The following MMP1 variants were observed in gnomAD, a reference collection of about 807,000 sequenced individuals.
The protein encoded by MMP1 is interstitial collagenase.
In MMP1, 51 loss-of-function variants were observed where a neutral mutation model predicts 49.6. That is an observed-to-expected ratio of 1.03 (90% CI 0.82 to 1.30). MMP1 has a LOEUF of 1.30. MMP1 is among the 50% of genes most tolerant of loss of function. MMP1 has a pLI of 0.00. For missense variants in MMP1, 623 were observed against 568.7 expected (o/e 1.10, Z -0.97); for synonymous variants, 230 against 196.8 (o/e 1.17, Z -1.41).
chr11:102,792,139 A>G (rs1286176291), intron 7 of MMP1, among the ~76,000 whole-genome samples: 1 of 152,212 alleles, frequency 6.6e-6, no homozygotes, highest in Non-Finnish European at 1.5e-5. Context: ...TTCATAATTT[A>G]AAGGCTAAAA....
chr11:102,791,230 G>A, intron 8 of MMP1, 103 bp downstream of exon 8: 1 of 1,245,792 alleles, frequency 8.0e-7, no homozygotes, highest in Non-Finnish European at 1.1e-6. Flanking sequence ...TGAAGGAAAG[G>A]ATGCCGGCCA....
Position 102,791,355 on chromosome 11 carries a change from A to G in MMP1, c.1174T>C (p.Phe392Leu), listed in dbSNP as rs1331475660. 1 of 1,613,998 alleles carries G rather than the reference A, an allele frequency of 6.2e-7. No homozygotes were observed. Among genetic ancestry groups the G allele is most frequent in the East Asian group, 2.2e-5 (1 of 44,886 alleles). The stretch of plus-strand genomic sequence containing the variant: ...TACCTCCAGTATTTGTTAGCAACAA[A>G]GAAGTAGGTTTTTCCAGTGTTTTCC... Reference protein sequence around the residue: ...SEENTGKTYFFVANKYWRYDE... With the variant: ...SEENTGKTYFLVANKYWRYDE... The change falls in exon 8 of 10, where the codon TTT becomes CTT. Residue 392 changes from phenylalanine (F) to leucine (L), a missense_variant. Physicochemically the swap from Phe to Leu is conservative, Grantham distance 22 (BLOSUM62 0). Transcript: ENST00000315274.
chr11:102,797,504 AC>A lies in MMP1; in HGVS notation c.106-5del. 1.2e-6 allele frequency: 2 copies of A among 1,613,282 alleles called. No individual in the cohort carries two copies. Among genetic ancestry groups the A allele is most frequent in the African/African-American group, 2.7e-5 (2 of 74,942 alleles). ...TGTAGTATTTTTCCAGGTATTTCTG[AC>A]AAAAGAAAATTATCGAAACACTGCA... On this transcript the variant is annotated splice_polypyrimidine_tract_variant and splice_region_variant and intron_variant, in intron 1 of 9. Transcript: ENST00000315274.
chr11:102,796,677 G>T lies in MMP1; in HGVS notation c.612C>A (p.Thr204=). The T allele has an allele frequency of 1.2e-6, 2 of 1,613,372 alleles. No homozygotes were observed. Among genetic ancestry groups the T allele is most frequent in the Non-Finnish European group, 1.7e-6 (2 of 1,179,748 alleles). The stretch of plus-strand genomic sequence containing the variant: ...TGATTGGCTTACCTCTGAAATTGTT[G>T]GTCCACCTTTCATCTTCATCAAAAT... ...DAHFDEDERW[T]NNFREYNLHR... Residue 204 remains threonine (T), a synonymous_variant, in exon 4 of 10, where the codon ACC becomes ACA. Transcript: ENST00000315274.
rs141894365 is a variant in MMP1 at position 102,797,410 on chromosome 11, G to T, written c.196C>A (p.Gln66Lys). The T allele has an allele frequency of 6.2e-7, 1 of 1,614,040 alleles. No individual in the cohort carries two copies. The highest frequency in any genetic ancestry group is 1.3e-5 in the African/African-American group (1 of 74,934). The change falls in exon 2 of 10, where the codon CAA (glutamine) becomes AAA (lysine). Residue 66 changes from glutamine to lysine, a missense_variant. Transcript: ENST00000315274. The part of the protein sequence containing the change: ...NSGPVVEKLK[Q>K]MQEFFGLKVT... ...TTCAGCCCAAAGAATTCCTGCATTT[G>T]CTTCAATTTTTCAACCACTGGGCCA...
At chr11:102,792,333 T>C (rs2134363073) in intron 7 of MMP1, among the ~76,000 whole-genome samples, 1 of 152,358 alleles carries the variant, frequency 6.6e-6, no homozygotes, top group Middle Eastern at 3.4e-3. Flanking sequence ...GGGTTTTAAA[T>C]ACATAGTTTG....
chr11:102,792,733 T>C lies in MMP1; in HGVS notation c.905A>G (p.Tyr302Cys), dbSNP rs1229809164. The change falls in exon 7 of 10, where the codon TAC becomes TGC. Residue 302 changes from tyrosine (Y) to cysteine (C), a missense_variant. By Grantham distance (194) the Tyr-to-Cys change is radical (BLOSUM62 -2). Coordinates refer to ENST00000315274, the MANE Select transcript of MMP1 (RefSeq NM_002421.4). ...GEVMFFKDRF[Y>C]MRTNPFYPEV... ...CGGGTAGAAGGGATTTGTGCGCATG[T>C]AGAATCTGATTAGAAAAAAAGCAAG... is the stretch of plus-strand genomic sequence containing the variant. 3 of 1,606,562 alleles carry C rather than the reference T, an allele frequency of 1.9e-6. No individual in the cohort carries two copies. The highest frequency in any genetic ancestry group is 2.2e-5 in the South Asian group (2 of 89,852).
At position 102,790,921 on chromosome 11, in the gene MMP1, A is replaced by T. The variant is rs111822238; in HGVS notation, c.1197-115T>A. 4.4e-6 allele frequency: 3 copies of T among 683,958 alleles called. No homozygotes were observed. The African/African-American group carries it at 5.4e-5, about 12-fold the overall frequency. 42.4% of individuals were successfully genotyped at this position (683,958 alleles called of 1,614,324 possible). A position where few individuals can be genotyped will look rare whatever the true frequency, so the allele number is the denominator to read the frequency against. ...ACCAGAATATTTCATTTTATAGATCATTTGTGAAATGGGGAGTGGATGGGA... is the reference window on the plus strand; with the variant it reads ...ACCAGAATATTTCATTTTATAGATCTTTTGTGAAATGGGGAGTGGATGGGA... On this transcript the variant is annotated intron_variant, in intron 8 of 9. Coordinates refer to ENST00000315274, the MANE Select transcript of MMP1 (RefSeq NM_002421.4).
At position 102,790,316 on chromosome 11, in the gene MMP1, T is replaced by C; in HGVS notation, c.*96A>G. 1.5e-6 allele frequency: 1 copy of C among 684,956 alleles called. No homozygotes were observed. Among genetic ancestry groups the C allele is most frequent in the Non-Finnish European group, 2.5e-6 (1 of 395,538 alleles). 42.4% of individuals were successfully genotyped at this position (684,956 alleles called of 1,614,324 possible). On this transcript the variant is annotated 3_prime_UTR_variant, in exon 10 of 10. Transcript: ENST00000315274. ...AGATTATATTCTGTGTATCAGTGACTCTAGAGGTTAAAAATGACTGAGAAA... is the reference window on the plus strand; with the variant it reads ...AGATTATATTCTGTGTATCAGTGACCCTAGAGGTTAAAAATGACTGAGAAA...
At position 102,791,560 on chromosome 11, in the gene MMP1, C is replaced by A. The variant is rs1229916073; in HGVS notation, c.1034-65G>T. 8.9e-6 allele frequency: 14 copies of A among 1,568,124 alleles called. No homozygotes were observed. The East Asian group carries it at 3.1e-4, about 35-fold the overall frequency. ...CTTCAATAGGCAGTAAGTGAATTTT[C>A]AGCTAAGTTCTTAGTTTCACATGCT... On this transcript the variant is annotated intron_variant, in intron 7 of 9. Transcript: ENST00000315274.
Position 102,797,082 on chromosome 11 carries a change from A to T in MMP1, c.431T>A (p.Val144Asp). ...GACCTTGGTGAATGTCAGAGGTGTGACATTACTCCAGAGTTGGAAGGCTTT... is the reference window on the plus strand; with the variant it reads ...GACCTTGGTGAATGTCAGAGGTGTGTCATTACTCCAGAGTTGGAAGGCTTT... ...IEKAFQLWSN[V>D]TPLTFTKVSE... is the part of the protein sequence containing the mutation. The change falls in exon 3 of 10, where the codon GTC becomes GAC. Residue 144 changes from valine to aspartate, a missense_variant. Val to Asp is a radical substitution (Grantham distance 152). Transcript: ENST00000315274. The T allele has an allele frequency of 6.2e-7, 1 of 1,614,174 alleles. No individual in the cohort carries two copies. Among genetic ancestry groups the T allele is most frequent in the Non-Finnish European group, 8.5e-7 (1 of 1,180,026 alleles).
At position 102,795,302 on chromosome 11, in the gene MMP1, T is replaced by C; in HGVS notation, c.782-11A>G. The C allele has an allele frequency of 6.2e-7, 1 of 1,613,052 alleles. No individual in the cohort carries two copies. The highest frequency in any genetic ancestry group is 8.5e-7 in the Non-Finnish European group (1 of 1,179,318). ...GATTTTGGGAACGTCCTAAGGAAAA[T>C]AAAATACCTAGAGTTAGTTTTGCCT... On this transcript the variant is annotated splice_polypyrimidine_tract_variant and intron_variant, in intron 5 of 9. Coordinates refer to ENST00000315274, the MANE Select transcript of MMP1 (RefSeq NM_002421.4).
rs772321761 is a variant in MMP1, at chr11:102,797,014, C to T, written c.499G>A (p.Asp167Asn). The T allele has an allele frequency of 6.8e-6, 11 of 1,611,476 alleles. No homozygotes were observed. In the East Asian group the frequency reaches 1.8e-4, roughly 26 times the overall value. ...ADIMISFVRG[D>N]HRDNSPFDGP... ...TTAAGGTGCTATAAGAAGAACTTAC[C>T]TCCCCTGACAAAAGATATCATGATG... is the stretch of plus-strand genomic sequence containing the variant. Residue 167 changes from aspartate (D) to asparagine (N), a missense_variant and splice_region_variant, in exon 3 of 10, where the codon GAT becomes AAT. Physicochemically the swap from Asp to Asn is conservative, Grantham distance 23. Coordinates refer to ENST00000315274, the MANE Select transcript of MMP1 (RefSeq NM_002421.4).
chr11:102,793,623 A>G (rs1476305566), intron 6 of MMP1, among the ~76,000 whole-genome samples: 1 of 152,168 alleles, frequency 6.6e-6, no homozygotes, highest in African/African-American at 2.4e-5. Context: ...GGACACTACA[A>G]GAGAGTATTT....
Position 102,790,322 on chromosome 11 carries a change from G to T in MMP1, c.*90C>A. On this transcript the variant is annotated 3_prime_UTR_variant, in exon 10 of 10. Coordinates refer to ENST00000315274, the MANE Select transcript of MMP1 (RefSeq NM_002421.4). The stretch of plus-strand genomic sequence containing the variant: ...TATTCTGTGTATCAGTGACTCTAGA[G>T]GTTAAAAATGACTGAGAAAATAGAC... 1.4e-6 allele frequency: 1 copy of T among 716,320 alleles called. No homozygotes were observed. Among genetic ancestry groups the T allele is most frequent in the Non-Finnish European group, 2.4e-6 (1 of 420,140 alleles). The allele number at this position is 716,320 out of a possible 1,614,324, so 44.4% of individuals were successfully genotyped here.
At chr11:102,792,009 C>T (rs17879947) in intron 7 of MMP1, among the ~76,000 whole-genome samples, 1,611 of 152,220 alleles carry the variant, frequency 0.011, 20 homozygotes, top group African/African-American at 0.028. Context: ...TCAGTAAGCC[C>T]CTCATCACAT....
chr11:102,792,879 G>A (rs975068368), intron 6 of MMP1, 141 bp from the exon 7 acceptor site: 5 of 743,786 alleles, frequency 6.7e-6, no homozygotes, highest in Admixed American at 5.4e-5. Flanking sequence ...AGAAGGGTTG[G>A]TTTATAGCAT....
At position 102,790,177 on chromosome 11, in the gene MMP1, C is replaced by T; in HGVS notation, c.*235G>A. 1 of 341,214 alleles carries T rather than the reference C, an allele frequency of 2.9e-6. No individual in the cohort carries two copies. The highest frequency in any genetic ancestry group is 5.7e-5 in the South Asian group (1 of 17,518). 21.1% of individuals were successfully genotyped at this position (341,214 alleles called of 1,614,324 possible). On this transcript the variant is annotated 3_prime_UTR_variant, in exon 10 of 10. Transcript: ENST00000315274. Reference sequence around the variant, plus strand: ...CTTTGCAACTCTGGCCTATATGAATCCATAAGCCACAAACTTGACTTTTTG... The same window carrying T: ...CTTTGCAACTCTGGCCTATATGAATTCATAAGCCACAAACTTGACTTTTTG...
intron 8 of MMP1, 92 bp from the exon 9 acceptor site, chr11:102,790,898 C>T: frequency 1.3e-6 from 1 of 748,608 alleles, no homozygotes; most frequent in East Asian, 2.5e-5. Context: ...GGAATTTAAC[C>T]AGAATATTTC....
Sources: allele counts gnomAD v4.1 joint callset (sites outside exome capture counted in the v4.1 genomes callset), GRCh38; gene constraint gnomAD v4.1.1; transcripts MANE v1.5; gene names NCBI Gene and HGNC (gene_info 2026-07-23, HGNC 2026-07-21).